Variants in KIF2A observed in about 807,000 individuals in gnomAD.
The protein encoded by KIF2A is kinesin family member 2A, also known as kinesin-like protein KIF2A.
In KIF2A, 22 loss-of-function variants were observed where a neutral mutation model predicts 100.2. The ratio of observed to expected loss-of-function variants is 0.22; its 90% CI spans 0.16 to 0.31. KIF2A has a LOEUF of 0.31. Among genes scored for constraint, KIF2A ranks in the 10% least tolerant of loss-of-function variants. The probability of loss-of-function intolerance (pLI) is 1.00; values close to 1 mark genes in which losing one functional copy is unlikely to be tolerated. For synonymous variants in KIF2A, 268 were observed against 285.9 expected (o/e 0.94, Z 0.63); for missense variants, 495 against 898.7 (o/e 0.55, Z 5.74).
At chr5:62,380,877 A>G (rs1741745977) in intron 19 of KIF2A, among the ~76,000 whole-genome samples, 1 of 152,162 alleles carries the variant, frequency 6.6e-6, no homozygotes, top group South Asian at 2.1e-4. Flanking sequence ...AGAGGCAGGC[A>G]TACTCAGCGT....
intron 1 of KIF2A, among the ~76,000 whole-genome samples, chr5:62,336,757 A>G (rs73119543): frequency 0.016 from 2,494 of 152,356 alleles, 61 homozygotes; most frequent in African/African-American, 0.058. Flanking sequence ...AAATATGCCC[A>G]AAGTAAGTTG....
intron 18 of KIF2A, among the ~76,000 whole-genome samples, chr5:62,376,951 G>A (rs894296726): frequency 1.3e-5 from 2 of 152,108 alleles, no homozygotes; most frequent in Admixed American, 6.6e-5. Flanking sequence ...AATATGAAAA[G>A]TTGGGCCTCT....
chr5:62,382,833 G>C (rs1053666027), intron 20 of KIF2A, among the ~76,000 whole-genome samples: 30 of 151,750 alleles, frequency 2.0e-4, no homozygotes, highest in Non-Finnish European at 1.9e-4. Context: ...CACCATGTTG[G>C]CCAGGCTGGT....
In KIF2A at chr5:62,389,198, G is replaced by C. The variant is rs747492201; in HGVS notation, c.*3629G>C. 1 of 691,516 alleles carries C rather than the reference G, an allele frequency of 1.4e-6. No individual in the cohort carries two copies. Among genetic ancestry groups the C allele is most frequent in the Non-Finnish European group, 2.3e-6 (1 of 427,344 alleles). The allele number at this position is 691,516 out of a possible 1,614,324, so 42.8% of individuals were successfully genotyped here. ...TCCTAATACTAGTTATTAAAGAAAC[G>C]TTACTGGCTGGGCGCAGTGGCTTAT... On this transcript the variant is annotated 3_prime_UTR_variant, in exon 21 of 21. Transcript: ENST00000407818.
chr5:62,366,362 T>C, intron 15 of KIF2A, 52 bp from the exon 16 acceptor site: 1 of 1,136,174 alleles, frequency 8.8e-7, no homozygotes, highest in Non-Finnish European at 1.3e-6. Context: ...AGTATTATTG[T>C]CTTGATCATT....
chr5:62,342,163 T>C (rs1460948284), intron 1 of KIF2A, among the ~76,000 whole-genome samples: 2 of 152,206 alleles, frequency 1.3e-5, no homozygotes, highest in Admixed American at 6.5e-5. Context: ...TATTAGTATA[T>C]TGTGGGGCTG....
chr5:62,332,644 C>G (rs1746711450), intron 1 of KIF2A, among the ~76,000 whole-genome samples: 1 of 151,950 alleles, frequency 6.6e-6, no homozygotes, highest in Non-Finnish European at 1.5e-5. Context: ...ATGAAATTGT[C>G]ATTTTTTTAG....
At position 62,361,344 on chromosome 5, in the gene KIF2A, A is replaced by G. The variant is rs781779997; in HGVS notation, c.963+12A>G. ...GTGGAAAAACTCATGTAAGTAATTT[A>G]TTAAAGTTACATTCTGGTACGAAGC... is the stretch of plus-strand genomic sequence containing the variant. On this transcript the variant is annotated intron_variant, in intron 10 of 20. Coordinates refer to ENST00000407818, the MANE Select transcript of KIF2A (RefSeq NM_001098511.3). 8.3e-6 allele frequency: 13 copies of G among 1,572,244 alleles called. No homozygotes were observed. The South Asian group carries it at 1.5e-4, about 18-fold the overall frequency.
At chr5:62,335,777 T>G (rs1390066316) in intron 1 of KIF2A, among the ~76,000 whole-genome samples, 1 of 152,242 alleles carries the variant, frequency 6.6e-6, no homozygotes, top group Non-Finnish European at 1.5e-5. Flanking sequence ...AGGTGTTTTT[T>G]GTTTCACTTT....
At chr5:62,310,904 G>A (rs1745522560) in intron 1 of KIF2A, among the ~76,000 whole-genome samples, 1 of 151,772 alleles carries the variant, frequency 6.6e-6, no homozygotes, top group Admixed American at 6.6e-5. Flanking sequence ...CAGTTCTGTA[G>A]TAGCTGTGAC....
In KIF2A at chr5:62,353,271, T is replaced by C. The variant is rs1285575434; in HGVS notation, c.458-4T>C. ...TACTTCTACAGCTCATCTTTTCTTT[T>C]CAGCACGTAGAAAATCTAATTGTGT... is the stretch of plus-strand genomic sequence containing the variant. On this transcript the variant is annotated splice_region_variant and splice_polypyrimidine_tract_variant and intron_variant, in intron 5 of 20. Transcript: ENST00000407818. 2.3e-5 allele frequency: 35 copies of C among 1,522,718 alleles called. No homozygotes were observed. Among genetic ancestry groups the C allele is most frequent in the Admixed American group, 4.6e-5 (2 of 43,544 alleles). 94.3% of individuals were successfully genotyped at this position (1,522,718 alleles called of 1,614,324 possible).
intron 19 of KIF2A, 104 bp from the exon 20 acceptor site, chr5:62,381,014 A>G (rs1227515356): frequency 1.2e-6 from 1 of 820,300 alleles, no homozygotes; most frequent in Non-Finnish European, 1.9e-6. Context: ...TTGACATTTT[A>G]GAGAATACTA....
intron 16 of KIF2A, among the ~76,000 whole-genome samples, chr5:62,370,531 A>C (rs1741275093): frequency 6.6e-6 from 1 of 152,048 alleles, no homozygotes; most frequent in Non-Finnish European, 1.5e-5. Flanking sequence ...TCCTGACCTT[A>C]AGTGATCTGC....
chr5:62,362,606 T>A, intron 12 of KIF2A, 65 bp downstream of exon 12: 1 of 687,482 alleles, frequency 1.5e-6, no homozygotes, highest in Non-Finnish European at 2.2e-6. Flanking sequence ...TTTGCCATTT[T>A]AACCATTTTT....
intron 9 of KIF2A, among the ~76,000 whole-genome samples, chr5:62,359,104 A>G (rs1450281603): frequency 6.6e-6 from 1 of 152,240 alleles, no homozygotes. Context: ...GTTTTAGTAC[A>G]TGAGATTCTT....
At chr5:62,307,397 C>T (rs1745362332) in intron 1 of KIF2A, among the ~76,000 whole-genome samples, 1 of 151,712 alleles carries the variant, frequency 6.6e-6, no homozygotes, top group Non-Finnish European at 1.5e-5. Flanking sequence ...GAGCCTTAGG[C>T]TTATGTATCT....
intron 1 of KIF2A, among the ~76,000 whole-genome samples, chr5:62,331,652 G>GA (rs1474411079): frequency 6.6e-6 from 1 of 151,014 alleles, no homozygotes; most frequent in African/African-American, 2.4e-5. Flanking sequence ...AATTTTTATA[G>GA]AAACGTCTAA....
chr5:62,380,635 A>G (rs1392327662), intron 19 of KIF2A, among the ~76,000 whole-genome samples: 1 of 152,226 alleles, frequency 6.6e-6, no homozygotes, highest in Non-Finnish European at 1.5e-5. Flanking sequence ...CATATTTTGT[A>G]TGTTATATAT....
chr5:62,306,830 C>T (rs1745309687), intron 1 of KIF2A: 2 of 424,762 alleles, frequency 4.7e-6, no homozygotes, highest in Admixed American at 4.8e-5. Flanking sequence ...CCGCTCGCTC[C>T]TCCTCCCGCA....
Sources: gnomAD v4.1 joint callset for allele counts (sites outside exome capture counted in the v4.1 genomes callset) on GRCh38, gnomAD v4.1.1 for gene constraint, MANE v1.5 for transcripts, NCBI Gene and HGNC (gene_info 2026-07-23, HGNC 2026-07-21) for gene names.